Variants in NOS1AP observed in about 807,000 individuals in gnomAD.
NOS1AP encodes the protein carboxyl-terminal PDZ ligand of neuronal nitric oxide synthase protein.
NOS1AP carries 21 observed loss-of-function variants against 56.2 expected under a neutral mutation model. The ratio of observed to expected loss-of-function variants is 0.37; its 90% confidence interval spans 0.26 to 0.54. The LOEUF is 0.54. Among genes scored for constraint, NOS1AP ranks in the 20% least tolerant of loss-of-function variants. The pLI is 0.84. For missense variants in NOS1AP, 522 were observed against 657.8 expected (o/e 0.79, Z 2.26); for synonymous variants, 270 against 274.6 (o/e 0.98, Z 0.17).
intron 9 of NOS1AP, 137 bp downstream of exon 9, chr1:162,365,706 G>A: frequency 9.1e-7 from 1 of 1,097,420 alleles, no homozygotes; most frequent in East Asian, 2.6e-5. Flanking sequence ...AGGCAGCTTT[G>A]TTTTCCCATT....
intron 8 of NOS1AP, chr1:162,364,342 T>C (rs1256281621): frequency 1.0e-6 from 1 of 985,358 alleles, no homozygotes; most frequent in Non-Finnish European, 1.2e-6. Context: ...ATTAGTTCCC[T>C]TTCTTCAGGG....
intron 1 of NOS1AP, among the ~76,000 whole-genome samples, chr1:162,137,711 G>A (rs1467073160): frequency 6.6e-6 from 1 of 151,882 alleles, no homozygotes; most frequent in Non-Finnish European, 1.5e-5. Context: ...CTCCTGTGTG[G>A]TTGCTCAGGG....
At chr1:162,176,562 G>A (rs929913826) in intron 2 of NOS1AP, among the ~76,000 whole-genome samples, 13 of 130,208 alleles carry the variant, frequency 1.0e-4, no homozygotes, top group African/African-American at 2.9e-4. Flanking sequence ...AGGCTGGAGT[G>A]CAGTGGTGTG....
At chr1:162,355,888 G>A (rs1437901328) in intron 7 of NOS1AP, among the ~76,000 whole-genome samples, 2 of 152,196 alleles carry the variant, frequency 1.3e-5, no homozygotes, top group Non-Finnish European at 1.5e-5. Context: ...TGAGATGACT[G>A]TGGCATCTGG....
intron 1 of NOS1AP, among the ~76,000 whole-genome samples, chr1:162,072,112 A>AGATAGATAGATG (rs1161505992): frequency 6.6e-6 from 1 of 151,792 alleles, no homozygotes; most frequent in Non-Finnish European, 1.5e-5. Flanking sequence ...ATAGATAGAT[A>AGATAGATAGATG]GAAAGTGTAT....
chr1:162,361,302 G>A (rs142444774), intron 8 of NOS1AP, among the ~76,000 whole-genome samples: 30 of 152,258 alleles, frequency 2.0e-4, no homozygotes, highest in African/African-American at 7.0e-4. Flanking sequence ...ATCTGGTGGG[G>A]AGGAGGTGGT....
At chr1:162,343,632 G>A (rs932595254) in intron 5 of NOS1AP, among the ~76,000 whole-genome samples, 1 of 152,232 alleles carries the variant, frequency 6.6e-6, no homozygotes, top group African/African-American at 2.4e-5. Flanking sequence ...CCTTTCAGTT[G>A]ACTGATTGTT....
At chr1:162,359,095 A>G (rs1411363473) in intron 8 of NOS1AP, among the ~76,000 whole-genome samples, 3 of 152,172 alleles carry the variant, frequency 2.0e-5, no homozygotes, top group Non-Finnish European at 2.9e-5. Flanking sequence ...CAATGAATCT[A>G]GGGGAAGGAA....
chr1:162,273,987 G>A (rs1414545906), intron 2 of NOS1AP, among the ~76,000 whole-genome samples: 1 of 152,064 alleles, frequency 6.6e-6, no homozygotes, highest in Non-Finnish European at 1.5e-5. Flanking sequence ...TATTTGAGTC[G>A]TTTCTAATTT....
chr1:162,123,880 T>C (rs1019609781), intron 1 of NOS1AP, among the ~76,000 whole-genome samples: 2 of 152,144 alleles, frequency 1.3e-5, no homozygotes, highest in African/African-American at 4.8e-5. Context: ...GTGGATTTCC[T>C]AAAAACAAGA....
At chr1:162,193,449 G>A (rs1651705168) in intron 2 of NOS1AP, among the ~76,000 whole-genome samples, 1 of 152,172 alleles carries the variant, frequency 6.6e-6, no homozygotes, top group African/African-American at 2.4e-5. Flanking sequence ...GGCTCTAAGA[G>A]ATAAAGTGGG....
intron 2 of NOS1AP, among the ~76,000 whole-genome samples, chr1:162,254,389 G>A (rs61808489): frequency 8.0e-4 from 122 of 152,176 alleles, no homozygotes; most frequent in Non-Finnish European, 1.6e-3. Context: ...ATGTGCAAAC[G>A]TGAGTGTTAC....
chr1:162,339,990 T>C (rs141207627), intron 5 of NOS1AP, among the ~76,000 whole-genome samples: 168 of 152,340 alleles, frequency 1.1e-3, no homozygotes, highest in African/African-American at 3.8e-3. Flanking sequence ...AGAACTCACA[T>C]AGCCATTTAT....
rs1571252656 is a variant in NOS1AP, at chr1:162,368,402, TC to T, written c.*939del. The T allele has an allele frequency of 1.4e-5, 2 of 140,822 alleles. No homozygotes were observed. Among genetic ancestry groups the T allele is most frequent in the East Asian group, 4.1e-4 (2 of 4,938 alleles). The allele number at this position is 140,822 out of a possible 1,614,324, so 8.7% of individuals were successfully genotyped here. A position where few individuals can be genotyped will look rare whatever the true frequency, so the allele number is the denominator to read the frequency against. ...GCCCCCAGCCTTACCTCTCAACCTG[TC>T]CCCTCCACTGGGCAGTGGTGGTCAG... On this transcript the variant is annotated 3_prime_UTR_variant, in exon 10 of 10. Transcript: ENST00000361897.
At chr1:162,103,313 T>G (rs1046965508) in intron 1 of NOS1AP, among the ~76,000 whole-genome samples, 2 of 148,038 alleles carry the variant, frequency 1.4e-5, no homozygotes, top group Non-Finnish European at 3.0e-5. Flanking sequence ...ATTATTTCAG[T>G]TTTTTTTTTG....
Position 162,154,447 on chromosome 1 carries a change from G to C in NOS1AP, c.148G>C (p.Glu50Gln), listed in dbSNP as rs1649846364. ...CGTGCCAAGGCCCAACAGCAGGGTG[G>C]AGATCGTGGCTGCCATGCGCCGGAT... ...LDVPRPNSRVEIVAAMRRIRY... is the reference protein window; with the variant it reads ...LDVPRPNSRVQIVAAMRRIRY... Residue 50 changes from glutamate (E) to glutamine (Q), a missense_variant, in exon 2 of 10, where the codon GAG (glutamate) becomes CAG (glutamine). Transcript: ENST00000361897. 3 of 1,614,070 alleles carry C rather than the reference G, an allele frequency of 1.9e-6. No homozygotes were observed. Among genetic ancestry groups the C allele is most frequent in the Non-Finnish European group, 2.5e-6 (3 of 1,179,976 alleles).
intron 2 of NOS1AP, among the ~76,000 whole-genome samples, chr1:162,195,726 A>T (rs1456290987): frequency 2.0e-5 from 3 of 150,670 alleles, no homozygotes; most frequent in African/African-American, 7.3e-5. Context: ...CCTTTTTTTC[A>T]CTTCTTGTGT....
chr1:162,207,313 C>T (rs148044989), intron 2 of NOS1AP, among the ~76,000 whole-genome samples: 1 of 152,308 alleles, frequency 6.6e-6, no homozygotes, highest in East Asian at 1.9e-4. Flanking sequence ...CACCGTCTAC[C>T]CACGCGACAC....
intron 2 of NOS1AP, among the ~76,000 whole-genome samples, chr1:162,180,053 G>A (rs1246650659): frequency 6.6e-6 from 1 of 152,052 alleles, no homozygotes; most frequent in African/African-American, 2.4e-5. Context: ...CATTATGCAG[G>A]TGTTCATTAT....
Sources: gnomAD v4.1 joint callset for allele counts (sites outside exome capture counted in the v4.1 genomes callset) on GRCh38, gnomAD v4.1.1 for gene constraint, MANE v1.5 for transcripts, NCBI Gene and HGNC (gene_info 2026-07-23, HGNC 2026-07-21) for gene names.